The following STAMBP variants were observed in gnomAD, a reference collection of about 807,000 sequenced individuals.
The protein encoded by STAMBP is STAM binding protein.
A neutral mutation model predicts 50.7 loss-of-function variants in STAMBP; 31 were observed. The ratio of observed to expected loss-of-function variants is 0.61; its 90% CI spans 0.46 to 0.83. The LOEUF (loss-of-function observed/expected upper bound fraction) is 0.83, where lower values mean the gene tolerates loss of function less well. Ranked by LOEUF, STAMBP falls within the 40% of genes least tolerant of loss-of-function variation. The pLI, the probability that STAMBP is intolerant of heterozygous loss-of-function variation, is 0.00. For missense variants in STAMBP, 472 were observed against 518.9 expected, an observed-to-expected ratio of 0.91 and a Z score of 0.88; for synonymous variants, 211 against 192.4, an observed-to-expected ratio of 1.10 and a Z score of -0.80.
chr2:73,841,328 G>A (rs1175195833), intron 2 of STAMBP, among the ~76,000 whole-genome samples: 1 of 152,146 alleles, frequency 6.6e-6, no homozygotes, highest in Non-Finnish European at 1.5e-5. Flanking sequence ...TGATGCTGGT[G>A]TTAGCATCTT....
intron 7 of STAMBP, among the ~76,000 whole-genome samples, chr2:73,853,950 A>G (rs762047791): frequency 2.0e-5 from 3 of 152,144 alleles, no homozygotes; most frequent in Non-Finnish European, 2.9e-5. Context: ...GAGTTATACC[A>G]TATGTATATT....
chr2:73,858,920 C>T (rs1243623047), intron 7 of STAMBP, among the ~76,000 whole-genome samples: 1 of 138,056 alleles, frequency 7.2e-6, no homozygotes, highest in African/African-American at 3.5e-5. Context: ...TGAGCCCAGA[C>T]CCCCCAATGG....
At chr2:73,832,439 G>A (rs1674075086) in intron 2 of STAMBP, among the ~76,000 whole-genome samples, 1 of 150,666 alleles carries the variant, frequency 6.6e-6, no homozygotes, top group South Asian at 2.1e-4. Flanking sequence ...CTCCAGACTA[G>A]GTGGCAAAGC....
chr2:73,841,709 G>A (rs1203665849), intron 2 of STAMBP, among the ~76,000 whole-genome samples: 1 of 152,182 alleles, frequency 6.6e-6, no homozygotes, highest in Non-Finnish European at 1.5e-5. Context: ...GAGGGATGGT[G>A]AGATTAAGTG....
rs2104741924 is a variant in STAMBP at position 73,865,942 on chromosome 2, T to G, written c.*3683T>G. 1 of 152,360 alleles carries G rather than the reference T, an allele frequency of 6.6e-6. No homozygotes were observed. Among genetic ancestry groups the G allele is most frequent in the Non-Finnish European group, 1.5e-5 (1 of 68,052 alleles). The allele number at this position is 152,360 out of a possible 1,614,324, so 9.4% of individuals were successfully genotyped here. Reference sequence around the variant, plus strand: ...GACCTCAAGAACCATTCCAAATTTCTACTCATTCTCCCTAAGACCCAGAGC... The same window carrying G: ...GACCTCAAGAACCATTCCAAATTTCGACTCATTCTCCCTAAGACCCAGAGC... On this transcript the variant is annotated 3_prime_UTR_variant, in exon 10 of 10. Coordinates refer to ENST00000394070, the MANE Select transcript of STAMBP (RefSeq NM_213622.4).
Position 73,847,480 on chromosome 2 carries a change from T to G in STAMBP, c.469T>G (p.Leu157Val). The change falls in exon 5 of 10, where the codon TTG becomes GTG. Residue 157 changes from leucine (L) to valine (V), a missense_variant. Coordinates refer to ENST00000394070, the MANE Select transcript of STAMBP (RefSeq NM_213622.4). ...QRVAQQKQQQ[L>V]EQEQFHAFEE... ...GGTAGCACAACAGAAGCAGCAGCAATTGGAACAGGAACAGTTCCATGCCTT... is the reference window on the plus strand; with the variant it reads ...GGTAGCACAACAGAAGCAGCAGCAAGTGGAACAGGAACAGTTCCATGCCTT... 1.9e-6 allele frequency: 3 copies of G among 1,614,126 alleles called. No homozygotes were observed. The highest frequency in any genetic ancestry group is 2.5e-6 in the Non-Finnish European group (3 of 1,180,022).
chr2:73,856,781 A>G (rs2104639767), intron 7 of STAMBP, among the ~76,000 whole-genome samples: 1 of 152,330 alleles, frequency 6.6e-6, no homozygotes, highest in South Asian at 2.1e-4. Context: ...TTCTGTCTCC[A>G]ACCCTGAGAT....
intron 2 of STAMBP, among the ~76,000 whole-genome samples, chr2:73,843,288 T>G (rs1240002663): frequency 1.3e-5 from 2 of 149,528 alleles, no homozygotes; most frequent in African/African-American, 4.9e-5. Flanking sequence ...ACCTCAGACT[T>G]CTGGGATCGA....
At chr2:73,843,437 T>C (rs1483654774) in intron 2 of STAMBP, among the ~76,000 whole-genome samples, 1 of 146,518 alleles carries the variant, frequency 6.8e-6, no homozygotes, top group Admixed American at 6.8e-5. Flanking sequence ...TATATATAAA[T>C]TAAAAAATAT....
intron 2 of STAMBP, among the ~76,000 whole-genome samples, chr2:73,843,257 G>C (rs934864166): frequency 8.1e-5 from 12 of 147,356 alleles, no homozygotes; most frequent in African/African-American, 3.0e-4. Context: ...GAGTGCAGTG[G>C]TGTGATCAAA....
rs950826890 is a variant in STAMBP at position 73,864,961 on chromosome 2, C to T, written c.*2702C>T. 15 of 152,168 alleles carry T rather than the reference C, an allele frequency of 9.9e-5. No individual in the cohort carries two copies. Among genetic ancestry groups the T allele is most frequent in the Non-Finnish European group, 2.1e-4 (14 of 68,042 alleles). The allele number at this position is 152,168 out of a possible 1,614,324, so 9.4% of individuals were successfully genotyped here. On this transcript the variant is annotated 3_prime_UTR_variant, in exon 10 of 10. Coordinates refer to ENST00000394070, the MANE Select transcript of STAMBP (RefSeq NM_213622.4). ...AGGGGAAGAAGAAGAAACCCTTAAG[C>T]TTTTGTAATATTGTCTTGGGTACCA...
chr2:73,862,701 T>C lies in STAMBP; in HGVS notation c.*442T>C, dbSNP rs926058294. The stretch of plus-strand genomic sequence containing the variant: ...AATTTGGAAGCCATTTAGAAAATCT[T>C]TTGGATTTTCCTGTGGTTTATGGCA... On this transcript the variant is annotated 3_prime_UTR_variant, in exon 10 of 10. Coordinates refer to ENST00000394070, the MANE Select transcript of STAMBP (RefSeq NM_213622.4). The C allele has an allele frequency of 6.5e-6, 1 of 153,022 alleles. No homozygotes were observed. The highest frequency in any genetic ancestry group is 1.5e-5 in the Non-Finnish European group (1 of 68,310). The allele number at this position is 153,022 out of a possible 1,614,324, so 9.5% of individuals were successfully genotyped here. A position where few individuals can be genotyped will look rare whatever the true frequency, so the allele number is the denominator to read the frequency against.
chr2:73,845,978 CAT>C (rs1283979546), intron 4 of STAMBP, among the ~76,000 whole-genome samples: 11 of 152,192 alleles, frequency 7.2e-5, no homozygotes, highest in Non-Finnish European at 1.2e-4. Context: ...TCAGTTAAAA[CAT>C]GTGGAGAAAC....
chr2:73,869,697 C>T (rs575042195), downstream of STAMBP, among the ~76,000 whole-genome samples: 50 of 152,064 alleles, frequency 3.3e-4, 1 homozygote, highest in African/African-American at 9.4e-4. Flanking sequence ...GCACATTGTG[C>T]ACATGTACCC....
At chr2:73,836,906 G>A (rs934779299) in intron 2 of STAMBP, among the ~76,000 whole-genome samples, 1 of 152,190 alleles carries the variant, frequency 6.6e-6, no homozygotes, top group Non-Finnish European at 1.5e-5. Context: ...CTAGGTCCCC[G>A]GGGCTCAGGA....
rs905820443 is a variant in STAMBP, at chr2:73,847,593, C to T, written c.582C>T (p.Gly194=). 1 of 1,614,038 alleles carries T rather than the reference C, an allele frequency of 6.2e-7. No individual in the cohort carries two copies. Among genetic ancestry groups the T allele is most frequent in the Admixed American group, 1.7e-5 (1 of 59,996 alleles). ...EFGKVDPGLG[G]PLVPDLEKPS... is the part of the protein sequence containing the mutation. Reference sequence around the variant, plus strand: ...GGAAGGTAGACCCTGGCCTAGGTGGCCCGCTAGTGCCTGACTTGGAGAAGC... The same window carrying T: ...GGAAGGTAGACCCTGGCCTAGGTGGTCCGCTAGTGCCTGACTTGGAGAAGC... Residue 194 remains glycine (G), a synonymous_variant, in exon 5 of 10, where the codon GGC becomes GGT. Transcript: ENST00000394070.
chr2:73,844,743 T>C lies in STAMBP; in HGVS notation c.204-70T>C, dbSNP rs1202765842. ...ATATAAGGGCTTCAGGATAAGGGGG[T>C]TGCATAGCTTTAGGGTCTTATGGAC... On this transcript the variant is annotated intron_variant, in intron 2 of 9. Transcript: ENST00000394070. 9 of 1,317,210 alleles carry C rather than the reference T, an allele frequency of 6.8e-6. No individual in the cohort carries two copies. The African/African-American group carries it at 1.3e-4, about 19-fold the overall frequency. The allele number at this position is 1,317,210 out of a possible 1,614,324, so 81.6% of individuals were successfully genotyped here. A position where few individuals can be genotyped will look rare whatever the true frequency, so the allele number is the denominator to read the frequency against.
intron 2 of STAMBP, among the ~76,000 whole-genome samples, chr2:73,843,786 G>A (rs1309211520): frequency 2.6e-5 from 4 of 152,158 alleles, no homozygotes; most frequent in African/African-American, 9.7e-5. Flanking sequence ...AATTACTTCT[G>A]CCCCATGGGC....
intron 7 of STAMBP, among the ~76,000 whole-genome samples, chr2:73,854,551 C>T (rs1332965191): frequency 6.6e-6 from 1 of 152,188 alleles, no homozygotes; most frequent in East Asian, 1.9e-4. Flanking sequence ...TCATACTGCA[C>T]TACAGCCTTG....
Sources: gnomAD v4.1 joint callset for allele counts (sites outside exome capture counted in the v4.1 genomes callset) on GRCh38, gnomAD v4.1.1 for gene constraint, MANE v1.5 for transcripts, NCBI Gene and HGNC (gene_info 2026-07-23, HGNC 2026-07-21) for gene names.